Variants in GRM1 observed in about 807,000 individuals in gnomAD.
The protein encoded by GRM1 is metabotropic glutamate receptor 1.
Under a neutral mutation model 90.9 loss-of-function variants are expected in GRM1, and 33 were observed. The observed-to-expected ratio is 0.36, with a 90% confidence interval of 0.28 to 0.49. The LOEUF (loss-of-function observed/expected upper bound fraction) is 0.49, where lower values mean the gene tolerates loss of function less well. GRM1 is among the 20% of genes least tolerant of loss of function. The pLI, the probability that GRM1 is intolerant of heterozygous loss-of-function variation, is 0.99. For missense variants in GRM1, 1,190 were observed against 1,534.3 expected (o/e 0.78, Z 3.75); for synonymous variants, 700 against 613.2 (o/e 1.14, Z -2.09).
intron 1 of GRM1, among the ~76,000 whole-genome samples, chr6:146,105,016 C>G (rs556128887): frequency 2.6e-5 from 4 of 152,218 alleles, no homozygotes; most frequent in African/African-American, 9.6e-5. Flanking sequence ...TCTTTCTTGA[C>G]CTGAGTGATT....
chr6:146,308,538 A>G (rs1324375952), intron 3 of GRM1, among the ~76,000 whole-genome samples: 1 of 152,226 alleles, frequency 6.6e-6, no homozygotes, highest in Non-Finnish European at 1.5e-5. Flanking sequence ...GAAACTAGAA[A>G]AAACAAGACA....
At chr6:146,288,259 G>C (rs1435317308) in intron 2 of GRM1, among the ~76,000 whole-genome samples, 1 of 152,138 alleles carries the variant, frequency 6.6e-6, no homozygotes. Context: ...TAGAAACAAG[G>C]ATGTTATAGG....
upstream of GRM1, among the ~76,000 whole-genome samples, chr6:146,028,151 G>A (rs1790560373): frequency 6.6e-6 from 1 of 152,118 alleles, no homozygotes; most frequent in African/African-American, 2.4e-5. Flanking sequence ...CCAAGCGGGT[G>A]GGTTTGGATA....
chr6:146,183,561 G>A (rs906862231), intron 2 of GRM1, among the ~76,000 whole-genome samples: 1 of 152,110 alleles, frequency 6.6e-6, no homozygotes. Context: ...TAGGACCTGG[G>A]TGGGAACACA....
intron 1 of GRM1, among the ~76,000 whole-genome samples, chr6:146,094,791 C>T (rs915298090): frequency 1.3e-5 from 2 of 152,058 alleles, no homozygotes; most frequent in African/African-American, 4.8e-5. Context: ...TGACTAAACT[C>T]TCAAATCCCA....
intron 3 of GRM1, among the ~76,000 whole-genome samples, chr6:146,330,556 T>A (rs1359119443): frequency 1.3e-5 from 2 of 152,212 alleles, no homozygotes; most frequent in African/African-American, 2.4e-5. Flanking sequence ...ATATTGGATT[T>A]AAAAAAAATC....
chr6:146,107,692 A>G (rs1377518979), intron 1 of GRM1, among the ~76,000 whole-genome samples: 2 of 152,300 alleles, frequency 1.3e-5, no homozygotes, highest in East Asian at 3.9e-4. Context: ...TTGACAGGTA[A>G]GTTTGGGGAA....
chr6:146,316,553 C>A (rs1180373546), intron 3 of GRM1, among the ~76,000 whole-genome samples: 6 of 152,212 alleles, frequency 3.9e-5, no homozygotes, highest in African/African-American at 1.4e-4. Context: ...TCTACTGCTG[C>A]AGGCTGATTC....
chr6:146,402,941 T>C (rs909857555), intron 7 of GRM1, among the ~76,000 whole-genome samples: 6 of 152,160 alleles, frequency 3.9e-5, no homozygotes, highest in African/African-American at 1.2e-4. Context: ...TTATTTATAA[T>C]CAGAAGTCCC....
chr6:146,073,646 G>A (rs1389468428), intron 1 of GRM1, among the ~76,000 whole-genome samples: 5 of 152,096 alleles, frequency 3.3e-5, no homozygotes, highest in Admixed American at 6.6e-5. Flanking sequence ...GTATTGTAGA[G>A]TGTTGTCTGC....
chr6:146,245,910 T>A (rs1181980943), intron 2 of GRM1, among the ~76,000 whole-genome samples: 2 of 152,210 alleles, frequency 1.3e-5, no homozygotes, highest in East Asian at 3.8e-4. Context: ...AATGGCTATT[T>A]TATTAAATTG....
At chr6:146,353,669 G>T (rs1057011733) in intron 4 of GRM1, among the ~76,000 whole-genome samples, 1 of 152,124 alleles carries the variant, frequency 6.6e-6, no homozygotes, top group African/African-American at 2.4e-5. Flanking sequence ...TCACTCTGTT[G>T]CCCAGGCTGG....
At chr6:146,368,504 T>C (rs1028482543) in intron 5 of GRM1, among the ~76,000 whole-genome samples, 2 of 152,126 alleles carry the variant, frequency 1.3e-5, no homozygotes, top group African/African-American at 2.4e-5. Context: ...ATGTCAGCTG[T>C]GGATTTGTTC....
chr6:146,084,222 G>A (rs562597068), intron 1 of GRM1, among the ~76,000 whole-genome samples: 2 of 151,408 alleles, frequency 1.3e-5, no homozygotes, highest in South Asian at 2.1e-4. Context: ...AGGGTTTTTC[G>A]TGTCTCTATA....
chr6:146,217,808 A>G (rs987278438), intron 2 of GRM1, among the ~76,000 whole-genome samples: 1 of 151,346 alleles, frequency 6.6e-6, no homozygotes, highest in Non-Finnish European at 1.5e-5. Flanking sequence ...GGGGAGCATC[A>G]AGAATAGAGG....
At chr6:146,155,700 T>A (rs1264800586) in intron 1 of GRM1, among the ~76,000 whole-genome samples, 1 of 152,072 alleles carries the variant, frequency 6.6e-6, no homozygotes, top group Admixed American at 6.6e-5. Flanking sequence ...GAGTTTGGGG[T>A]ATTCCCCCAA....
intron 7 of GRM1, among the ~76,000 whole-genome samples, chr6:146,420,015 G>T (rs1394674053): frequency 1.3e-5 from 2 of 152,174 alleles, no homozygotes; most frequent in Non-Finnish European, 2.9e-5. Flanking sequence ...GTGAGGAAAT[G>T]AAAGGCCAGA....
At chr6:146,168,173 A>G (rs987395015) in intron 2 of GRM1, among the ~76,000 whole-genome samples, 2 of 151,946 alleles carry the variant, frequency 1.3e-5, no homozygotes, top group African/African-American at 4.8e-5. Flanking sequence ...AATGTAATAT[A>G]TGTGTGTGTG....
At position 146,399,544 on chromosome 6, in the gene GRM1, G is replaced by A. The variant is rs761307645; in HGVS notation, c.2505G>A (p.Met835Ile). 6.2e-6 allele frequency: 10 copies of A among 1,614,108 alleles called. No individual in the cohort carries two copies. Among genetic ancestry groups the A allele is most frequent in the Non-Finnish European group, 8.5e-6 (10 of 1,179,996 alleles). Residue 835 changes from methionine (M) to isoleucine (I), a missense_variant, in exon 7 of 8, where the codon ATG (methionine) becomes ATA (isoleucine). By Grantham distance (10) the Met-to-Ile change is conservative. Coordinates refer to ENST00000282753, the MANE Select transcript of GRM1 (RefSeq NM_001278064.2). The surrounding 1 kb of genome is among the most constrained non-coding windows in gnomAD (Gnocchi z 5.4). ...TGGGGTGCATGTTCACTCCCAAGAT[G>A]TACATCATTATTGCCAAGCCTGAGA... ...VALGCMFTPK[M>I]YIIIAKPERN...
Sources: allele counts gnomAD v4.1 joint callset (sites outside exome capture counted in the v4.1 genomes callset), GRCh38; gene constraint gnomAD v4.1.1; non-coding constraint Gnocchi (gnomAD v3.1); transcripts MANE v1.5; gene names NCBI Gene and HGNC (gene_info 2026-07-23, HGNC 2026-07-21).